The following RNF19B variants were observed in gnomAD, a reference collection of about 807,000 sequenced individuals.
RNF19B encodes E3 ubiquitin-protein ligase RNF19B.
Under a neutral mutation model 65.5 loss-of-function variants are expected in RNF19B, and 23 were observed. That is an observed-to-expected ratio of 0.35 (90% CI 0.25 to 0.50). RNF19B has a LOEUF of 0.50. Among genes scored for constraint, RNF19B ranks in the 20% least tolerant of loss-of-function variants. RNF19B has a pLI of 0.98. For missense variants in RNF19B, 794 were observed against 980.0 expected, an observed-to-expected ratio of 0.81 and a Z score of 2.53; for synonymous variants, 372 against 379.6, an observed-to-expected ratio of 0.98 and a Z score of 0.23.
the RNF19B span, among the ~76,000 whole-genome samples, chr1:32,930,034 A>G: frequency 6.6e-6 from 1 of 152,350 alleles, no homozygotes; most frequent in African/African-American, 2.4e-5. Context: ...ACCTCTTGGC[A>G]ATTTTGAAGG....
the RNF19B span, among the ~76,000 whole-genome samples, chr1:32,929,850 C>T: frequency 6.6e-6 from 1 of 152,114 alleles, no homozygotes; most frequent in Non-Finnish European, 1.5e-5. Flanking sequence ...GGTACTACCC[C>T]TTGGCCACTG....
intron 5 of RNF19B, among the ~76,000 whole-genome samples, chr1:32,944,849 C>T (rs114172647): frequency 0.068 from 10,328 of 152,122 alleles, 505 homozygotes; most frequent in Admixed American, 0.14. Context: ...CTACCACACC[C>T]GGCTGATTTT....
chr1:32,942,335 G>C lies in RNF19B; in HGVS notation c.1527C>G (p.Tyr509Ter). ...GGGCTGCAAAGCTGGCCGTTTCGCTGTAAGGACCTTGCATAACACTAAGTC... is the reference window on the plus strand; with the variant it reads ...GGGCTGCAAAGCTGGCCGTTTCGCTCTAAGGACCTTGCATAACACTAAGTC... ...TDGLSVMQGP[Y>*]SETASFAALS... The change falls in exon 7 of 9, where the codon TAC (tyrosine) becomes TAG (stop). Residue 509 changes from tyrosine (Y) to a stop codon, truncating the protein, a stop_gained. Transcript: ENST00000235150. LOFTEE classifies it high-confidence loss of function. 6.2e-7 allele frequency: 1 copy of C among 1,614,192 alleles called. No homozygotes were observed. Among genetic ancestry groups the C allele is most frequent in the Non-Finnish European group, 8.5e-7 (1 of 1,180,008 alleles).
chr1:32,940,522 T>C (rs1642208121), intron 7 of RNF19B, among the ~76,000 whole-genome samples: 1 of 152,182 alleles, frequency 6.6e-6, no homozygotes, highest in Admixed American at 6.5e-5. Context: ...TCTTTGGGCT[T>C]TCATGTTGCT....
chr1:32,938,355 G>GA, intron 8 of RNF19B, 42 bp downstream of exon 8: 2 of 1,613,160 alleles, frequency 1.2e-6, no homozygotes, highest in African/African-American at 1.3e-5. Context: ...AGTACCCAAC[G>GA]AAAAAATGCA....
chr1:32,954,813 A>G (rs937602268), intron 1 of RNF19B, among the ~76,000 whole-genome samples: 3 of 151,932 alleles, frequency 2.0e-5, no homozygotes, highest in Non-Finnish European at 4.4e-5. Flanking sequence ...TGTCACATTC[A>G]AACGTAGCTA....
At chr1:32,929,295 G>C in the RNF19B span, among the ~76,000 whole-genome samples, 2 of 152,098 alleles carry the variant, frequency 1.3e-5, no homozygotes, top group African/African-American at 4.8e-5. Context: ...TACAACAATC[G>C]AATTAGGGGG....
intron 1 of RNF19B, among the ~76,000 whole-genome samples, chr1:32,956,381 T>TAAC (rs527822684): frequency 2.4e-3 from 369 of 151,712 alleles, no homozygotes; most frequent in Non-Finnish European, 4.0e-3. Context: ...TCTCTTCAAA[T>TAAC]AACAACAACA....
chr1:32,938,120 G>A (rs1221870642), intron 8 of RNF19B, among the ~76,000 whole-genome samples: 1 of 114,756 alleles, frequency 8.7e-6, no homozygotes, highest in African/African-American at 3.5e-5. Context: ...ATTATACACT[G>A]TTGCAATAGC....
chr1:32,935,518 A>C (rs1385879655), downstream of RNF19B, among the ~76,000 whole-genome samples: 1 of 152,164 alleles, frequency 6.6e-6, no homozygotes, highest in Non-Finnish European at 1.5e-5. Context: ...AGATCAGATA[A>C]ATATGTTCAG....
chr1:32,934,855 C>A (rs547817685), downstream of RNF19B, among the ~76,000 whole-genome samples: 2 of 152,066 alleles, frequency 1.3e-5, no homozygotes, highest in Non-Finnish European at 2.9e-5. Flanking sequence ...TTTTGTCAGA[C>A]GGAGTCTCAC....
chr1:32,963,686 C>T lies in RNF19B; in HGVS notation c.635+365G>A, dbSNP rs371660658. Among the ~76,000 whole-genome samples, 450 of 151,488 alleles carry T rather than the reference C, an allele frequency of 3.0e-3. 2 individuals are homozygous for T. Among genetic ancestry groups the T allele is most frequent in the African/African-American group, 0.01 (429 of 41,256 alleles). On this transcript the variant is annotated intron_variant, in intron 1 of 8. Transcript: ENST00000235150. Reference sequence around the variant, plus strand: ...TGAGCCGAGATCGCGCCATTGCACTCCAGCCTGGGCGGCAGGGCGAGACTC... The same window carrying T: ...TGAGCCGAGATCGCGCCATTGCACTTCAGCCTGGGCGGCAGGGCGAGACTC...
At chr1:32,941,160 C>T (rs910000801) in intron 7 of RNF19B, among the ~76,000 whole-genome samples, 1 of 151,970 alleles carries the variant, frequency 6.6e-6, no homozygotes, top group Non-Finnish European at 1.5e-5. Flanking sequence ...GAAGTTGAGG[C>T]TGCAGTGAGC....
At chr1:32,946,606 T>A in intron 3 of RNF19B, 42 bp from the exon 4 acceptor site, 1 of 1,572,192 alleles carries the variant, frequency 6.4e-7, no homozygotes, top group Non-Finnish European at 8.7e-7. Context: ...ACATTACAAA[T>A]ACAGCTAGTA....
chr1:32,944,339 G>A (rs1642314441), intron 5 of RNF19B, among the ~76,000 whole-genome samples, 180 bp from the exon 6 acceptor site: 1 of 152,214 alleles, frequency 6.6e-6, no homozygotes. Flanking sequence ...GAAAGGTCTG[G>A]ATTAGATTCT....
intron 8 of RNF19B, 167 bp downstream of exon 8, chr1:32,938,230 G>A: frequency 1.9e-6 from 1 of 519,316 alleles, no homozygotes; most frequent in Middle Eastern, 3.7e-4. Context: ...AGAATCAAGA[G>A]ATGCCAAACA....
At chr1:32,960,349 A>C (rs563406393) in intron 1 of RNF19B, among the ~76,000 whole-genome samples, 1 of 152,130 alleles carries the variant, frequency 6.6e-6, no homozygotes, top group Non-Finnish European at 1.5e-5. Context: ...GCTGGCAAGA[A>C]CTTTATCTGT....
At chr1:32,930,777 C>T in the RNF19B span, among the ~76,000 whole-genome samples, 1 of 152,200 alleles carries the variant, frequency 6.6e-6, no homozygotes, top group South Asian at 2.1e-4. Flanking sequence ...GTCCAGGTTT[C>T]ATCCAACAAC....
downstream of RNF19B, among the ~76,000 whole-genome samples, chr1:32,933,389 G>A (rs1642053123): frequency 6.6e-6 from 1 of 151,958 alleles, no homozygotes. Flanking sequence ...CGAGTTGCTG[G>A]GACTACAGGC....
Sources: gnomAD v4.1 joint callset for allele counts (sites outside exome capture counted in the v4.1 genomes callset) on GRCh38, gnomAD v4.1.1 for gene constraint, MANE v1.5 for transcripts, NCBI Gene and HGNC (gene_info 2026-07-23, HGNC 2026-07-21) for gene names.